Variants in CTBP2 observed in about 807,000 individuals in gnomAD.
The protein encoded by CTBP2 is C-terminal binding protein 2.
In CTBP2, 30 loss-of-function variants were observed where a neutral mutation model predicts 80.3. That is an observed-to-expected ratio of 0.37 (90% CI 0.28 to 0.51). The LOEUF (loss-of-function observed/expected upper bound fraction) is 0.51, where lower values mean the gene tolerates loss of function less well. CTBP2 is among the 20% of genes least tolerant of loss of function. The pLI is 0.93. For missense variants in CTBP2, 1,212 were observed against 1,375.3 expected, an observed-to-expected ratio of 0.88 and a Z score of 1.88; for synonymous variants, 594 against 587.4, an observed-to-expected ratio of 1.01 and a Z score of -0.16.
intron 1 of CTBP2, among the ~76,000 whole-genome samples, chr10:125,010,732 G>C (rs192176941): frequency 6.6e-6 from 1 of 152,320 alleles, no homozygotes; most frequent in African/African-American, 2.4e-5. Context: ...AGCATGAGGA[G>C]AGAATGAGAG....
intron 2 of CTBP2, among the ~76,000 whole-genome samples, chr10:125,083,787 G>T (rs1420572853): frequency 6.6e-6 from 1 of 151,996 alleles, no homozygotes; most frequent in Non-Finnish European, 1.5e-5. Context: ...AGTTTTTTTT[G>T]TTTTGTTTTT....
chr10:124,991,248 C>T (rs144636661), intron 8 of CTBP2, among the ~76,000 whole-genome samples: 3 of 152,280 alleles, frequency 2.0e-5, no homozygotes, highest in East Asian at 3.9e-4. Flanking sequence ...ACTATGGTAG[C>T]CACCCCACCC....
chr10:125,053,474 GC>G, intron 2 of CTBP2, among the ~76,000 whole-genome samples: 1 of 152,160 alleles, frequency 6.6e-6, no homozygotes, highest in Non-Finnish European at 1.5e-5. Flanking sequence ...TCCTCTCCAG[GC>G]CCCTCCCAGA....
At chr10:125,030,149 C>T (rs866109143), upstream of CTBP2, among the ~76,000 whole-genome samples, 600 of 3,748 alleles carry the variant, frequency 0.16, 10 homozygotes, top group Admixed American at 0.28. Context: ...ACAAACACCA[C>T]ACACACACAC....
chr10:125,005,612 T>C, intron 1 of CTBP2: 1 of 1,612,810 alleles, frequency 6.2e-7, no homozygotes, highest in Non-Finnish European at 8.5e-7. Context: ...CCTCAGCTCA[T>C]CCGCGAGATC....
At chr10:125,016,425 A>G (rs190358690) in intron 1 of CTBP2, among the ~76,000 whole-genome samples, 1 of 152,324 alleles carries the variant, frequency 6.6e-6, no homozygotes, top group Admixed American at 6.5e-5. Context: ...GTTCCAGAGA[A>G]ATGAACAACA....
intron 1 of CTBP2, among the ~76,000 whole-genome samples, chr10:125,155,490 CATT>C (rs960111092): frequency 1.3e-5 from 2 of 151,868 alleles, no homozygotes; most frequent in Admixed American, 6.6e-5. Flanking sequence ...AGGCTTTAAA[CATT>C]AATAATGATA....
intron 2 of CTBP2, among the ~76,000 whole-genome samples, chr10:125,061,996 A>T (rs1392945794): frequency 1.3e-5 from 2 of 152,188 alleles, no homozygotes; most frequent in Non-Finnish European, 2.9e-5. Context: ...TGGAGGTGGG[A>T]CCGAAGCCGG....
chr10:125,017,993 C>T (rs1026640331), intron 1 of CTBP2, among the ~76,000 whole-genome samples: 6 of 152,252 alleles, frequency 3.9e-5, no homozygotes, highest in Non-Finnish European at 7.3e-5. Flanking sequence ...CCACTTTGTC[C>T]TGTTTCCTCT....
intron 4 of CTBP2, among the ~76,000 whole-genome samples, chr10:124,995,471 G>A (rs1340518610): frequency 6.6e-6 from 1 of 152,214 alleles, no homozygotes; most frequent in East Asian, 1.9e-4. Context: ...TGCTCGACTG[G>A]TTCTCTTGGA....
chr10:125,059,072 C>A (rs1036510762), intron 2 of CTBP2, among the ~76,000 whole-genome samples: 2 of 152,086 alleles, frequency 1.3e-5, no homozygotes, highest in African/African-American at 4.8e-5. Flanking sequence ...AGGCTCACTG[C>A]GTGAACCTTC....
rs1020291730 is a variant in CTBP2, at chr10:125,066,185, G to A, written c.-101-27030C>T. On this transcript the variant is annotated intron_variant, in intron 2 of 10. Coordinates refer to the CTBP2 transcript ENST00000337195. This position sits in a 1 kb window ranked among gnomAD's most constrained non-coding sequence, Gnocchi z 4.1. ...GACCAGTGGCTCTTGGCTGAGGGAT[G>A]TGAGCTATGAGCCCCTACATCACAG... Among the ~76,000 whole-genome samples the A allele has an allele frequency of 3.9e-5, 6 of 152,020 alleles. No homozygotes were observed. The highest frequency in any genetic ancestry group is 1.3e-4 in the Admixed American group (2 of 15,260).
In CTBP2 at chr10:125,026,147, T is replaced by C; in HGVS notation, c.1613A>G (p.Tyr538Cys). ...CCCTGTGCGCCGGGCCACCTTCTGG[T>C]ACGGTGAGTGAGGCGTGTGGAGGCT... The change falls in exon 1 of 9, where the codon TAC becomes TGC. Residue 538 changes from tyrosine to cysteine, a missense_variant. By Grantham distance (194) the Tyr-to-Cys change is radical. This residue lies in a region of CTBP2 where 848 missense variants were observed against 782.3 expected (regional missense o/e 1.08). Coordinates refer to ENST00000309035, the MANE Select transcript of CTBP2 (RefSeq NM_022802.3). 6.2e-7 allele frequency: 1 copy of C among 1,606,624 alleles called. No homozygotes were observed. Among genetic ancestry groups the C allele is most frequent in the Non-Finnish European group, 8.5e-7 (1 of 1,174,642 alleles).
At chr10:125,035,730 G>C (rs1027002728) in intron 3 of CTBP2, among the ~76,000 whole-genome samples, 1 of 152,140 alleles carries the variant, frequency 6.6e-6, no homozygotes, top group Non-Finnish European at 1.5e-5. Flanking sequence ...ATAGATGTTT[G>C]GGGCAAACCA....
At position 125,040,453 on chromosome 10, in the gene CTBP2, T is replaced by TAAA. The variant is rs1959329994; in HGVS notation, c.-101-1299_-101-1298insTTT. 5.4e-5 allele frequency among the ~76,000 whole-genome samples: 4 copies of TAAA among 74,546 alleles called. No homozygotes were observed. In the South Asian group the frequency reaches 2.0e-3, roughly 37 times the overall value. The allele number at this position is 74,546 out of a possible 152,430, so 48.9% of individuals were successfully genotyped here. ...CTGGTGACAGAGCAAGACTCTGTCT[T>TAAA]TAAAAAAAAAAAAAAAAAAAAAAAG... On this transcript the variant is annotated intron_variant, in intron 2 of 10. Coordinates refer to the CTBP2 transcript ENST00000337195.
chr10:125,055,217 A>G (rs1963633616), intron 2 of CTBP2, among the ~76,000 whole-genome samples: 1 of 152,180 alleles, frequency 6.6e-6, no homozygotes, highest in African/African-American at 2.4e-5. Flanking sequence ...AGAGAAAAAG[A>G]GCATGTAGGT....
At chr10:125,076,927 C>T (rs1285504116) in intron 2 of CTBP2, among the ~76,000 whole-genome samples, 1 of 152,192 alleles carries the variant, frequency 6.6e-6, no homozygotes, top group Non-Finnish European at 1.5e-5. Flanking sequence ...TCATCTGTCT[C>T]GCTACTTCCT....
At chr10:125,149,652 C>A (rs748700644) in intron 1 of CTBP2, among the ~76,000 whole-genome samples, 1 of 152,184 alleles carries the variant, frequency 6.6e-6, no homozygotes, top group Non-Finnish European at 1.5e-5. Context: ...AGTGTACACA[C>A]GTGTTCACAA....
intron 1 of CTBP2, among the ~76,000 whole-genome samples, chr10:125,143,656 CA>C (rs138770339): frequency 0.1 from 15,667 of 152,126 alleles, 1,546 homozygotes; most frequent in African/African-American, 0.26. Flanking sequence ...GGGAAGTGTA[CA>C]AAACATAATT....
Sources: gnomAD v4.1 joint callset for allele counts (sites outside exome capture counted in the v4.1 genomes callset) on GRCh38, gnomAD v4.1.1 for gene constraint, gnomAD v4.1.1 regional missense constraint, Gnocchi (gnomAD v3.1) non-coding constraint, MANE v1.5 for transcripts, NCBI Gene and HGNC (gene_info 2026-07-23, HGNC 2026-07-21) for gene names.